OTOF: variants seen among roughly 807,000 people sequenced by gnomAD.
OTOF encodes otoferlin.
OTOF carries 218 observed loss-of-function variants against 236.8 expected under a neutral mutation model. The ratio of observed to expected loss-of-function variants is 0.92; its 90% confidence interval spans 0.82 to 1.03. The LOEUF (loss-of-function observed/expected upper bound fraction) is 1.03. OTOF is among the 50% of genes least tolerant of loss of function. The pLI, the probability that OTOF is intolerant of heterozygous loss-of-function variation, is 0.00. For synonymous variants in OTOF, 1,041 were observed against 1,072.5 expected (o/e 0.97, Z 0.57); for missense variants, 2,590 against 2,694.4 (o/e 0.96, Z 0.86).
chr2:26,495,010 C>G lies in OTOF; in HGVS notation c.829G>C (p.Val277Leu), dbSNP rs185869481. Residue 277 changes from valine (V) to leucine (L), a missense_variant, in exon 9 of 47, where the codon GTG becomes CTG. Val to Leu is a conservative substitution (Grantham distance 32). Transcript: ENST00000272371. ...VGLNMDPVVC[V>L]EVGDDKKYTS... is the part of the protein sequence containing the mutation. Reference sequence around the variant, plus strand: ...TACTTCTTGTCGTCACCCACCTCCACGCACACCACAGGGTCCATGTTCAAG... The same window carrying G: ...TACTTCTTGTCGTCACCCACCTCCAGGCACACCACAGGGTCCATGTTCAAG... The G allele has an allele frequency of 1.2e-6, 2 of 1,614,162 alleles. No individual in the cohort carries two copies. The highest frequency in any genetic ancestry group is 2.7e-5 in the African/African-American group (2 of 75,040).
intron 5 of OTOF, among the ~76,000 whole-genome samples, chr2:26,511,888 A>G (rs1336532485): frequency 6.6e-6 from 1 of 151,970 alleles, no homozygotes; most frequent in Non-Finnish European, 1.5e-5. Flanking sequence ...ATTTAAAAAC[A>G]CTCTTGGGGT....
intron 3 of OTOF, among the ~76,000 whole-genome samples, chr2:26,526,198 T>C (rs1222684160): frequency 1.3e-5 from 2 of 148,322 alleles, no homozygotes. Flanking sequence ...GGTGGATGAA[T>C]GGATGGAAAG....
chr2:26,472,677 G>A lies in OTOF; in HGVS notation c.3734-28C>T, dbSNP rs747515752. The A allele has an allele frequency of 3.3e-4, 527 of 1,610,520 alleles. 1 individual carries two copies. The highest frequency in any genetic ancestry group is 4.1e-4 in the Non-Finnish European group (485 of 1,178,862). On this transcript the variant is annotated intron_variant, in intron 29 of 46. Coordinates refer to ENST00000272371, the MANE Select transcript of OTOF (RefSeq NM_194248.3). Reference sequence around the variant, plus strand: ...GGACAGATGGATAGATGGACAGACAGGCAGAGGAAGGAGCAAGAGGAACAG... The same window carrying A: ...GGACAGATGGATAGATGGACAGACAAGCAGAGGAAGGAGCAAGAGGAACAG...
Position 26,460,081 on chromosome 2 carries a change from C to A in OTOF, c.5938G>T (p.Ala1980Ser), listed in dbSNP as rs62640381. 1.0e-4 allele frequency: 158 copies of A among 1,576,068 alleles called. 1 individual carries two copies. The African/African-American group carries it at 1.9e-3, about 19-fold the overall frequency. The change falls in exon 46 of 47, where the codon GCC (alanine) becomes TCC (serine). Residue 1980 changes from alanine to serine, a missense_variant. Physicochemically the swap from Ala to Ser is moderately conservative, Grantham distance 99. Transcript: ENST00000272371. This position sits in a 1 kb window ranked among gnomAD's most constrained non-coding sequence, Gnocchi z 5.3. ...LLLLLLLLLL[A>S]LFLYSVPGYL... ...CCAGGCACAGAGTAGAGGAACAGGG[C>A]GAGGAGGAGGAGCAGCAGCAGGAGC...
chr2:26,468,472 T>C lies in OTOF; in HGVS notation c.4026A>G (p.Gln1342=), dbSNP rs1360540571. 4.3e-6 allele frequency: 7 copies of C among 1,613,842 alleles called. No homozygotes were observed. Among genetic ancestry groups the C allele is most frequent in the East Asian group, 4.5e-5 (2 of 44,898 alleles). The change falls in exon 33 of 47, where the codon CAA becomes CAG. Residue 1342 remains glutamine, a splice_region_variant and synonymous_variant. Transcript: ENST00000272371. The part of the protein sequence containing the change: ...YFASIDTMKE[Q]LRQQEPSGID... ...TTCCAGAGGGCTCTTGTTGTCGAAGTTGCTGCCAAAAGATGAGATGAAAAG... is the reference window on the plus strand; with the variant it reads ...TTCCAGAGGGCTCTTGTTGTCGAAGCTGCTGCCAAAAGATGAGATGAAAAG...
At chr2:26,537,889 T>C in intron 1 of OTOF, 115 bp from the exon 2 acceptor site, 1 of 779,790 alleles carries the variant, frequency 1.3e-6, no homozygotes, top group Non-Finnish European at 2.2e-6. Flanking sequence ...TCATGCAACA[T>C]GGGACCTCGT....
rs1283221464 is a variant in OTOF at position 26,461,634 on chromosome 2, A to T, written c.5533+62T>A. 1.9e-6 allele frequency: 3 copies of T among 1,606,272 alleles called. No individual in the cohort carries two copies. The Admixed American group carries it at 5.0e-5, about 27-fold the overall frequency. On this transcript the variant is annotated intron_variant, in intron 43 of 46. Transcript: ENST00000272371. This position sits in a 1 kb window ranked among gnomAD's most constrained non-coding sequence, Gnocchi z 6.2. ...GGCAGGGCTCTCCCTGTCCCCGCCA[A>T]CCCGGCCCCTGCCTCTTCTCAGTTC...
intron 1 of OTOF, among the ~76,000 whole-genome samples, chr2:26,553,915 G>A (rs1415735431): frequency 6.6e-6 from 1 of 152,142 alleles, no homozygotes; most frequent in East Asian, 1.9e-4. Context: ...GCTCACACCT[G>A]TAATCCCAGC....
In OTOF at chr2:26,554,143, A is replaced by G. The variant is rs560485422; in HGVS notation, c.79+4350T>C. 2.3e-5 allele frequency among the ~76,000 whole-genome samples: 3 copies of G among 132,728 alleles called. No individual in the cohort carries two copies. In the East Asian group the frequency reaches 6.9e-4, roughly 31 times the overall value. 87.1% of individuals were successfully genotyped at this position (132,728 alleles called of 152,430 possible). ...CCGAGATCGCACTGCACTGCACTCC[A>G]GCCTGGCGACAGAGCGAGACTCAAA... On this transcript the variant is annotated intron_variant, in intron 1 of 46. Transcript: ENST00000272371.
intron 2 of OTOF, among the ~76,000 whole-genome samples, chr2:26,528,284 G>A (rs1251538507): frequency 2.0e-5 from 3 of 152,238 alleles, no homozygotes; most frequent in African/African-American, 7.2e-5. Flanking sequence ...TGCAACCAGG[G>A]TGGTGGTCGG....
chr2:26,505,544 T>C (rs1012344973), intron 5 of OTOF, among the ~76,000 whole-genome samples: 3 of 152,124 alleles, frequency 2.0e-5, no homozygotes, highest in Non-Finnish European at 4.4e-5. Context: ...TTCCTGGCAA[T>C]CCTCTGAGGG....
rs189974847 is a variant in OTOF at position 26,552,128 on chromosome 2, G to C, written c.79+6365C>G. Among the ~76,000 whole-genome samples the C allele has an allele frequency of 4.1e-3, 610 of 148,364 alleles. 5 individuals are homozygous for C. Among genetic ancestry groups the C allele is most frequent in the African/African-American group, 0.014 (587 of 40,524 alleles). ...AAAAAGGCCAGGCACAGTGGCTTAC[G>C]CCTATAATCCCAGCACTTTGGGAGG... is the stretch of plus-strand genomic sequence containing the variant. On this transcript the variant is annotated intron_variant, in intron 1 of 46. Coordinates refer to ENST00000272371, the MANE Select transcript of OTOF (RefSeq NM_194248.3).
intron 3 of OTOF, among the ~76,000 whole-genome samples, 178 bp from the exon 4 acceptor site, chr2:26,519,287 C>A (rs1666616464): frequency 6.6e-6 from 1 of 152,182 alleles, no homozygotes; most frequent in Non-Finnish European, 1.5e-5. Flanking sequence ...GGCAGCATGT[C>A]CCACTGTGGA....
intron 39 of OTOF, among the ~76,000 whole-genome samples, chr2:26,464,450 G>A (rs1664631173): frequency 6.6e-6 from 1 of 152,088 alleles, no homozygotes; most frequent in Non-Finnish European, 1.5e-5. Flanking sequence ...CCAATTCTCT[G>A]CTTCTCTGGG....
At chr2:26,550,316 G>T (rs1278414772) in intron 1 of OTOF, among the ~76,000 whole-genome samples, 1 of 152,120 alleles carries the variant, frequency 6.6e-6, no homozygotes, top group African/African-American at 2.4e-5. Context: ...AACTGTCACC[G>T]AGAGAAATGG....
At chr2:26,474,199 C>G (rs1206427582) in intron 26 of OTOF, 89 bp from the exon 27 acceptor site, 18 of 1,560,872 alleles carry the variant, frequency 1.2e-5, no homozygotes, top group Non-Finnish European at 1.6e-5. Context: ...TCTGGGGAGA[C>G]AGGGAAACCC....
intron 3 of OTOF, among the ~76,000 whole-genome samples, chr2:26,525,117 C>T (rs1376846846): frequency 2.0e-5 from 3 of 152,284 alleles, no homozygotes; most frequent in Middle Eastern, 3.4e-3. Context: ...GGGTGTCTCA[C>T]CAACCTTGCT....
At position 26,477,292 on chromosome 2, in the gene OTOF, CGAAGGAGGGGGTGT is replaced by C. The variant is rs772174899; in HGVS notation, c.2407-18_2407-5del. On this transcript the variant is annotated splice_polypyrimidine_tract_variant and splice_region_variant and intron_variant, in intron 20 of 46. Transcript: ENST00000272371. This position sits in a 1 kb window ranked among gnomAD's most constrained non-coding sequence, Gnocchi z 4.7. Reference sequence around the variant, plus strand: ...TGGCCTGCTGCCCCATGTTTTCCTGCGAAGGAGGGGGTGTCAGTGAACCCAGCAACTGGGGGACA... The same window carrying C: ...TGGCCTGCTGCCCCATGTTTTCCTGCCAGTGAACCCAGCAACTGGGGGACA... 3.1e-6 allele frequency: 5 copies of C among 1,608,586 alleles called. No individual in the cohort carries two copies. Among genetic ancestry groups the C allele is most frequent in the Non-Finnish European group, 4.2e-6 (5 of 1,178,512 alleles).
intron 2 of OTOF, among the ~76,000 whole-genome samples, chr2:26,537,384 C>A (rs1193964486): frequency 2.6e-5 from 4 of 152,208 alleles, no homozygotes; most frequent in Non-Finnish European, 4.4e-5. Context: ...GCTGGTGGCT[C>A]ACATTCAGGT....
Sources: gnomAD v4.1 joint callset for allele counts (sites outside exome capture counted in the v4.1 genomes callset) on GRCh38, gnomAD v4.1.1 for gene constraint, Gnocchi (gnomAD v3.1) non-coding constraint, MANE v1.5 for transcripts, NCBI Gene and HGNC (gene_info 2026-07-23, HGNC 2026-07-21) for gene names.